KREMEN1: variants seen among roughly 807,000 people sequenced by gnomAD.
KREMEN1 encodes kringle containing transmembrane protein 1, also known as kremen protein 1.
A neutral mutation model predicts 46.5 loss-of-function variants in KREMEN1; 30 were observed. The observed-to-expected ratio is 0.65, with a 90% CI of 0.48 to 0.88. The LOEUF (loss-of-function observed/expected upper bound fraction) is 0.88. Among genes scored for constraint, KREMEN1 ranks in the 40% least tolerant of loss-of-function variants. The probability of loss-of-function intolerance (pLI) is 0.00; values close to 1 mark genes in which losing one functional copy is unlikely to be tolerated. For missense variants in KREMEN1, 533 were observed against 596.9 expected, an observed-to-expected ratio of 0.89 and a Z score of 1.11; for synonymous variants, 214 against 230.6, an observed-to-expected ratio of 0.93 and a Z score of 0.65.
rs958458000 is a variant in KREMEN1, at chr22:29,143,228, G to T, written c.*1116G>T. 1 of 985,282 alleles carries T rather than the reference G, an allele frequency of 1.0e-6. No individual in the cohort carries two copies. Among genetic ancestry groups the T allele is most frequent in the Non-Finnish European group, 1.2e-6 (1 of 829,950 alleles). The allele number at this position is 985,282 out of a possible 1,614,324, so 61.0% of individuals were successfully genotyped here. On this transcript the variant is annotated 3_prime_UTR_variant, in exon 9 of 9. Coordinates refer to ENST00000400335, the MANE Select transcript of KREMEN1 (RefSeq NM_001039570.3). ...TAAATTCTCCTGCAAGCTTTTATGG[G>T]CACTCAGTAAGTACTCAGGATTGGC...
intron 3 of KREMEN1, among the ~76,000 whole-genome samples, chr22:29,106,223 T>C (rs1024392862): frequency 2.0e-5 from 3 of 152,020 alleles, no homozygotes; most frequent in Non-Finnish European, 4.4e-5. Context: ...ATTATCTTTT[T>C]TTTTTTTTTC....
At chr22:29,086,496 C>T (rs915409363) in intron 1 of KREMEN1, among the ~76,000 whole-genome samples, 1 of 152,108 alleles carries the variant, frequency 6.6e-6, no homozygotes, top group African/African-American at 2.4e-5. Flanking sequence ...GGGAGTGTGT[C>T]CTATCACAGC....
chr22:29,113,585 G>A (rs1363417595), intron 3 of KREMEN1, among the ~76,000 whole-genome samples: 2 of 152,188 alleles, frequency 1.3e-5, no homozygotes, highest in Non-Finnish European at 2.9e-5. Flanking sequence ...TTTCTCACAA[G>A]AACCCTTTGA....
intron 8 of KREMEN1, 58 bp downstream of exon 8, chr22:29,140,424 C>A: frequency 8.1e-7 from 1 of 1,230,252 alleles, no homozygotes. Flanking sequence ...AGTTCATTTT[C>A]TATGATGCTT....
At chr22:29,104,253 C>G (rs543963601) in intron 3 of KREMEN1, among the ~76,000 whole-genome samples, 1 of 151,264 alleles carries the variant, frequency 6.6e-6, no homozygotes, top group East Asian at 2.0e-4. Context: ...TACCTCTAGG[C>G]TCAAACAGTC....
At chr22:29,156,649 G>A (rs1181472819) in intron 9 of KREMEN1, among the ~76,000 whole-genome samples, 1 of 152,200 alleles carries the variant, frequency 6.6e-6, no homozygotes, top group South Asian at 2.1e-4. Context: ...CCCCCACACT[G>A]CTGCATCCCA....
chr22:29,073,163 C>A lies in KREMEN1; in HGVS notation c.33C>A (p.Leu11=). ...CGCCAGCCGCCCGCCTCGCCCTGCT[C>A]TCCGCCGCGGCGCTCACGCTGGCGG... is the stretch of plus-strand genomic sequence containing the variant. The part of the protein sequence containing the change: MAPPAARLAL[L]SAAALTLAAR... Residue 11 remains leucine, a synonymous_variant, in exon 1 of 9, where the codon CTC becomes CTA. Transcript: ENST00000400335. This position sits in a 1 kb window ranked among gnomAD's most constrained non-coding sequence, Gnocchi z 4.4. 8.6e-7 allele frequency: 1 copy of A among 1,160,344 alleles called. No homozygotes were observed. The highest frequency in any genetic ancestry group is 3.6e-5 in the South Asian group (1 of 28,082). 71.9% of individuals were successfully genotyped at this position (1,160,344 alleles called of 1,614,324 possible).
At chr22:29,104,701 G>A (rs143334308) in intron 3 of KREMEN1, among the ~76,000 whole-genome samples, 2 of 152,238 alleles carry the variant, frequency 1.3e-5, no homozygotes, top group African/African-American at 4.8e-5. Flanking sequence ...GAGGTCAGGA[G>A]TTCAAGACCA....
intron 3 of KREMEN1, 54 bp downstream of exon 3, chr22:29,099,007 G>T: frequency 7.4e-7 from 1 of 1,359,398 alleles, no homozygotes; most frequent in Non-Finnish European, 1.1e-6. Context: ...CACTAAGAGT[G>T]CGTAGAGGGA....
In KREMEN1 at chr22:29,145,164, A is replaced by G; in HGVS notation, c.*3052A>G. 2 of 985,988 alleles carry G rather than the reference A, an allele frequency of 2.0e-6. No individual in the cohort carries two copies. Among genetic ancestry groups the G allele is most frequent in the Non-Finnish European group, 2.4e-6 (2 of 830,198 alleles). 61.1% of individuals were successfully genotyped at this position (985,988 alleles called of 1,614,324 possible). ...GCGGCTAGGTAAACACCTGAGAAAG[A>G]AACTGCTCCAGAAGAGATGACGTGG... On this transcript the variant is annotated 3_prime_UTR_variant, in exon 9 of 9. Transcript: ENST00000400335.
rs1436643112 is a variant in KREMEN1, at chr22:29,121,347, T to C, written c.353-10T>C. 1.2e-6 allele frequency: 2 copies of C among 1,612,674 alleles called. No individual in the cohort carries two copies. Among genetic ancestry groups the C allele is most frequent in the African/African-American group, 2.7e-5 (2 of 74,830 alleles). On this transcript the variant is annotated splice_polypyrimidine_tract_variant and intron_variant, in intron 3 of 8. Coordinates refer to ENST00000400335, the MANE Select transcript of KREMEN1 (RefSeq NM_001039570.3). Reference sequence around the variant, plus strand: ...GTTGCGAAATTCTTTTGTTTTTCTTTTTTCTTTAGTGCCTGGAAACCTTGG... The same window carrying C: ...GTTGCGAAATTCTTTTGTTTTTCTTCTTTCTTTAGTGCCTGGAAACCTTGG...
At chr22:29,158,195 C>A (rs469983) in intron 9 of KREMEN1, among the ~76,000 whole-genome samples, 128,835 of 152,154 alleles carry the variant, frequency 0.85, 54,916 homozygotes, top group Non-Finnish European at 0.9. Context: ...ACACGGGGTA[C>A]CAATTTGCAA....
rs1165624628 is a variant in KREMEN1 at position 29,143,435 on chromosome 22, T to A, written c.*1323T>A. On this transcript the variant is annotated 3_prime_UTR_variant, in exon 9 of 9. Coordinates refer to ENST00000400335, the MANE Select transcript of KREMEN1 (RefSeq NM_001039570.3). The stretch of plus-strand genomic sequence containing the variant: ...TGGTCCTTCCTTCTGGTGTCCCCCG[T>A]GTTAAAAGATAAAAAACACCCCAAG... The A allele has an allele frequency of 1.9e-5, 19 of 985,086 alleles. No homozygotes were observed. Among genetic ancestry groups the A allele is most frequent in the Non-Finnish European group, 2.3e-5 (19 of 829,932 alleles). The allele number at this position is 985,086 out of a possible 1,614,324, so 61.0% of individuals were successfully genotyped here.
chr22:29,119,730 CT>C (rs2038299793), intron 3 of KREMEN1, among the ~76,000 whole-genome samples: 1 of 152,228 alleles, frequency 6.6e-6, no homozygotes, highest in Non-Finnish European at 1.5e-5. Context: ...TCAGCTACAG[CT>C]TTTTCTACTA....
At chr22:29,093,628 C>T (rs192572541) in intron 1 of KREMEN1, among the ~76,000 whole-genome samples, 7 of 152,280 alleles carry the variant, frequency 4.6e-5, no homozygotes, top group Admixed American at 2.0e-4. Flanking sequence ...AATGCCAGCC[C>T]GGCCCTTCCT....
downstream of KREMEN1, among the ~76,000 whole-genome samples, chr22:29,151,174 A>G (rs1294521566): frequency 6.6e-6 from 1 of 152,120 alleles, no homozygotes; most frequent in African/African-American, 2.4e-5. Flanking sequence ...AAAAGACCCC[A>G]TCTGCCAAAC....
intron 4 of KREMEN1, among the ~76,000 whole-genome samples, chr22:29,124,976 A>T (rs2038417184): frequency 6.6e-6 from 1 of 152,204 alleles, no homozygotes; most frequent in African/African-American, 2.4e-5. Flanking sequence ...TGTTACTCAC[A>T]TTTGAAGTTT....
At chr22:29,113,344 G>A (rs2038181465) in intron 3 of KREMEN1, among the ~76,000 whole-genome samples, 1 of 152,244 alleles carries the variant, frequency 6.6e-6, no homozygotes, top group Admixed American at 6.5e-5. Context: ...ACAGATGTAA[G>A]AGATTAATAT....
At chr22:29,156,441 C>A (rs1421198430) in intron 9 of KREMEN1, among the ~76,000 whole-genome samples, 1 of 152,264 alleles carries the variant, frequency 6.6e-6, no homozygotes. Flanking sequence ...TAACCCTCAG[C>A]AACCAGGGCG....
Sources: gnomAD v4.1 joint callset for allele counts (sites outside exome capture counted in the v4.1 genomes callset) on GRCh38, gnomAD v4.1.1 for gene constraint, Gnocchi (gnomAD v3.1) non-coding constraint, MANE v1.5 for transcripts, NCBI Gene and HGNC (gene_info 2026-07-23, HGNC 2026-07-21) for gene names.